The following RBM26 variants were observed in gnomAD, a reference collection of about 807,000 sequenced individuals.
RBM26 encodes the protein RNA binding motif protein 26, also known as RNA-binding protein 26.
A neutral mutation model predicts 123.6 loss-of-function variants in RBM26; 30 were observed. That is an observed-to-expected ratio of 0.24 (90% CI 0.18 to 0.33). RBM26 has a LOEUF of 0.33. Ranked by LOEUF, RBM26 falls within the 10% of genes least tolerant of loss-of-function variation. The pLI is 1.00. For synonymous variants in RBM26, 400 were observed against 404.4 expected, an observed-to-expected ratio of 0.99 and a Z score of 0.13; for missense variants, 947 against 1,203.6, an observed-to-expected ratio of 0.79 and a Z score of 3.15.
intron 1 of RBM26, chr13:79,389,491 A>G (rs778369008): frequency 1.3e-5 from 2 of 152,238 alleles, no homozygotes; most frequent in Non-Finnish European, 2.9e-5. Flanking sequence ...CCAAAGAAAA[A>G]AGCAAACAAC....
At chr13:79,403,893 T>G (rs549261653) in intron 1 of RBM26, among the ~76,000 whole-genome samples, 17 of 152,346 alleles carry the variant, frequency 1.1e-4, no homozygotes, top group Admixed American at 8.5e-4. Context: ...CATTTTTTCA[T>G]GCATTCTGCA....
downstream of RBM26, among the ~76,000 whole-genome samples, chr13:79,317,047 T>G (rs111733703): frequency 4.6e-5 from 7 of 151,932 alleles, 2 homozygotes; most frequent in African/African-American, 1.7e-4. Flanking sequence ...GTGAGAGAAC[T>G]GACTCTATCT....
At chr13:79,379,788 C>T (rs1246906990) in intron 1 of RBM26, among the ~76,000 whole-genome samples, 1 of 150,284 alleles carries the variant, frequency 6.7e-6, no homozygotes, top group Non-Finnish European at 1.5e-5. Context: ...CCCTAACCCA[C>T]AGTGTTTTTA....
chr13:79,388,761 T>G (rs1400959188), intron 1 of RBM26, among the ~76,000 whole-genome samples: 2 of 152,226 alleles, frequency 1.3e-5, no homozygotes, highest in East Asian at 3.8e-4. Flanking sequence ...TATTTCAGTC[T>G]GCTTGCTACT....
chr13:79,348,231 T>C (rs540306316), intron 14 of RBM26, among the ~76,000 whole-genome samples: 1 of 152,238 alleles, frequency 6.6e-6, no homozygotes, highest in South Asian at 2.1e-4. Flanking sequence ...TTTCTTATAG[T>C]ATATTGTCAG....
chr13:79,317,616 G>A (rs2067272393), downstream of RBM26, among the ~76,000 whole-genome samples: 1 of 151,684 alleles, frequency 6.6e-6, no homozygotes, highest in South Asian at 2.1e-4. Context: ...CATATACACT[G>A]ACAGAAACCA....
chr13:79,339,535 TTCA>T (rs941935441), intron 18 of RBM26, among the ~76,000 whole-genome samples: 7 of 152,174 alleles, frequency 4.6e-5, no homozygotes, highest in African/African-American at 1.7e-4. Context: ...TATATAATTC[TTCA>T]TTTGTCAATA....
At chr13:79,401,939 C>T (rs2079084032) in intron 1 of RBM26, among the ~76,000 whole-genome samples, 1 of 151,952 alleles carries the variant, frequency 6.6e-6, no homozygotes, top group African/African-American at 2.4e-5. Context: ...ACTCACAAAA[C>T]CTCAGTACGT....
At position 79,334,335 on chromosome 13, in the gene RBM26, A is replaced by T; in HGVS notation, c.2820+9T>A. The T allele has an allele frequency of 6.9e-7, 1 of 1,452,304 alleles. No homozygotes were observed. The highest frequency in any genetic ancestry group is 1.3e-5 in the South Asian group (1 of 76,606). The allele number at this position is 1,452,304 out of a possible 1,614,324, so 90.0% of individuals were successfully genotyped here. A position where few individuals can be genotyped will look rare whatever the true frequency, so the allele number is the denominator to read the frequency against. ...AAATCTGAATTGATAAATTATTTTT[A>T]AAACTTACTGCTTCAGCTTCTGCTC... On this transcript the variant is annotated intron_variant, in intron 20 of 21. Transcript: ENST00000438737.
At chr13:79,315,053 G>A (rs2067023632), downstream of RBM26, 1 of 1,002,936 alleles carries the variant, frequency 1.0e-6, no homozygotes. Context: ...TCTAAAACTT[G>A]AATCACATCA....
In RBM26 at chr13:79,320,742, CAAAAAAAAAAAAAA is replaced by C. The variant is rs2067568423; in HGVS notation, c.2935-46_2935-33del. The C allele has an allele frequency of 3.7e-6, 4 of 1,087,512 alleles. No individual in the cohort carries two copies. The South Asian group carries it at 6.9e-5, about 19-fold the overall frequency. 67.4% of individuals were successfully genotyped at this position (1,087,512 alleles called of 1,614,324 possible). ...GTTAAAATGTATTTAGGAATTTACC[CAAAAAAAAAAAAAA>C]GAAAAGAAAAAAAAGGTGACACTTT... On this transcript the variant is annotated intron_variant, in intron 21 of 21. Coordinates refer to ENST00000438737, the MANE Select transcript of RBM26 (RefSeq NM_001366735.2).
chr13:79,346,000 G>A (rs552538423), intron 14 of RBM26, among the ~76,000 whole-genome samples: 1 of 152,288 alleles, frequency 6.6e-6, no homozygotes, highest in East Asian at 1.9e-4. Context: ...ATGAAAGCAT[G>A]TGTGTGAACA....
At chr13:79,349,106 T>C (rs1398735486) in intron 14 of RBM26, among the ~76,000 whole-genome samples, 1 of 152,204 alleles carries the variant, frequency 6.6e-6, no homozygotes, top group African/African-American at 2.4e-5. Context: ...ACTGTCTGTG[T>C]ATTTATCATG....
Position 79,344,300 on chromosome 13 carries a change from T to A in RBM26, c.2207A>T (p.Asp736Val), listed in dbSNP as rs749097873. Residue 736 changes from aspartate (D) to valine (V), a missense_variant, in exon 16 of 22, where the codon GAT becomes GTT. Physicochemically the swap from Asp to Val is radical, Grantham distance 152. This residue lies in a region of RBM26 where 493 missense variants were observed against 563.1 expected (regional missense o/e 0.88). Transcript: ENST00000438737. ...KKQEALKLQQ[D>V]VRKRKQEILE... is the part of the protein sequence containing the mutation. ...AATTTCTTGTTTCCTTTTCCTTACATCCTGCTGAAGTTTCAATGCCTCCTA... is the reference window on the plus strand; with the variant it reads ...AATTTCTTGTTTCCTTTTCCTTACAACCTGCTGAAGTTTCAATGCCTCCTA... The A allele has an allele frequency of 6.8e-6, 11 of 1,609,814 alleles. No homozygotes were observed. The highest frequency in any genetic ancestry group is 9.4e-6 in the Non-Finnish European group (11 of 1,176,468).
chr13:79,374,443 G>C (rs2076464878), intron 3 of RBM26, among the ~76,000 whole-genome samples: 1 of 151,824 alleles, frequency 6.6e-6, no homozygotes, highest in South Asian at 2.1e-4. Context: ...GCCACTATGG[G>C]GCCACGACAC....
At chr13:79,325,739 G>A (rs534110518) in intron 20 of RBM26, among the ~76,000 whole-genome samples, 2 of 152,144 alleles carry the variant, frequency 1.3e-5, no homozygotes, top group South Asian at 4.1e-4. Flanking sequence ...TAAGTGTACA[G>A]TGTTTATAAG....
chr13:79,351,194 G>T (rs2073160725), intron 14 of RBM26, among the ~76,000 whole-genome samples: 1 of 152,058 alleles, frequency 6.6e-6, no homozygotes, highest in Non-Finnish European at 1.5e-5. Context: ...GTCCAAATCT[G>T]ACATTACAGA....
At position 79,392,222 on chromosome 13, in the gene RBM26, AT is replaced by A. The variant is rs2078138472; in HGVS notation, c.72-13316del. ...ATATATTATACAATAATACATAATT[AT>A]TATATAATTATATATTATACAATAA... On this transcript the variant is annotated intron_variant, in intron 1 of 21. Transcript: ENST00000438737. 1.4e-4 allele frequency among the ~76,000 whole-genome samples: 9 copies of A among 64,124 alleles called. No individual in the cohort carries two copies. The Admixed American group carries it at 1.6e-3, about 11-fold the overall frequency. 42.1% of individuals were successfully genotyped at this position (64,124 alleles called of 152,430 possible). A position where few individuals can be genotyped will look rare whatever the true frequency, so the allele number is the denominator to read the frequency against.
chr13:79,337,044 G>T, intron 19 of RBM26, 58 bp downstream of exon 19: 2 of 1,457,754 alleles, frequency 1.4e-6, no homozygotes, highest in Non-Finnish European at 9.5e-7. Flanking sequence ...CTTTAATTAT[G>T]TCTACTATCC....
Sources: allele counts gnomAD v4.1 joint callset (sites outside exome capture counted in the v4.1 genomes callset), GRCh38; gene constraint gnomAD v4.1.1; regional missense constraint gnomAD v4.1.1; transcripts MANE v1.5; gene names NCBI Gene and HGNC (gene_info 2026-07-23, HGNC 2026-07-21).